BRIP1: variants seen among roughly 807,000 people sequenced by gnomAD.
The protein encoded by BRIP1 is Fanconi anemia group J protein.
Under a neutral mutation model 119.7 loss-of-function variants are expected in BRIP1, and 88 were observed. That is an observed-to-expected ratio of 0.74 (90% confidence interval 0.62 to 0.88). BRIP1 has a LOEUF of 0.88. Ranked by LOEUF, BRIP1 falls within the 40% of genes least tolerant of loss-of-function variation. The pLI, the probability that BRIP1 is intolerant of heterozygous loss-of-function variation, is 0.00. For synonymous variants in BRIP1, 443 were observed against 496.5 expected (o/e 0.89, Z 1.43); for missense variants, 1,259 against 1,455.4 (o/e 0.87, Z 2.20).
chr17:61,773,676 G>C (rs112766108), intron 14 of BRIP1, among the ~76,000 whole-genome samples: 5 of 151,718 alleles, frequency 3.3e-5, no homozygotes, highest in African/African-American at 1.2e-4. Flanking sequence ...AAATTTTTGC[G>C]ATCTACCCAT....
At chr17:61,788,522 C>T (rs1046881536) in intron 10 of BRIP1, among the ~76,000 whole-genome samples, 1 of 151,964 alleles carries the variant, frequency 6.6e-6, no homozygotes, top group African/African-American at 2.4e-5. Context: ...TGATACAATT[C>T]CAAAGGAAAA....
At position 61,859,819 on chromosome 17, in the gene BRIP1, A is replaced by G. The variant is rs1567876917; in HGVS notation, c.182T>C (p.Leu61Ser). ...ACCACTAAGAGATTGTTGCCATGCT[A>G]AAGCAGAACAAAGTAAGGCTAAGCT... The part of the protein sequence containing the change: ...GKSLALLCSA[L>S]AWQQSLSGKP... The change falls in exon 3 of 20, where the codon TTA (leucine) becomes TCA (serine). Residue 61 changes from leucine (L) to serine (S), a missense_variant. Physicochemically the swap from Leu to Ser is moderately radical, Grantham distance 145. Around this residue, in one of 3 missense-constraint regions of BRIP1, gnomAD observed 501 missense variants for 544.0 expected, o/e 0.92. Transcript: ENST00000259008. 7 of 1,613,302 alleles carry G rather than the reference A, an allele frequency of 4.3e-6. No homozygotes were observed. Among genetic ancestry groups the G allele is most frequent in the Non-Finnish European group, 5.9e-6 (7 of 1,179,296 alleles).
chr17:61,790,869 C>G (rs1432465329), intron 10 of BRIP1, among the ~76,000 whole-genome samples: 1 of 151,990 alleles, frequency 6.6e-6, no homozygotes. Flanking sequence ...TCAAGCAATC[C>G]GCCAGCCTCA....
chr17:61,838,894 C>T (rs1021251539), intron 6 of BRIP1, among the ~76,000 whole-genome samples: 2 of 151,914 alleles, frequency 1.3e-5, no homozygotes, highest in East Asian at 3.9e-4. Flanking sequence ...TCAAAAGCTG[C>T]TGTATAATAA....
At position 61,801,643 on chromosome 17, in the gene BRIP1, G is replaced by T. The variant is rs998666821; in HGVS notation, c.919-169C>A. On this transcript the variant is annotated intron_variant, in intron 7 of 19. Coordinates refer to ENST00000259008, the MANE Select transcript of BRIP1 (RefSeq NM_032043.3). ...TTGTCTTTTTTGAGACAATACCATA[G>T]CTACAATCACAACGAAGTCTGGTTG... is the stretch of plus-strand genomic sequence containing the variant. Among the ~76,000 whole-genome samples, 25 of 152,136 alleles carry T rather than the reference G, an allele frequency of 1.6e-4. 2 individuals are homozygous for T. The highest frequency in any genetic ancestry group is 1.0e-3 in the Admixed American group (16 of 15,266).
At chr17:61,721,847 G>A (rs9906120) in intron 16 of BRIP1, among the ~76,000 whole-genome samples, 6,056 of 151,274 alleles carry the variant, frequency 0.04, 447 homozygotes, top group African/African-American at 0.14. Flanking sequence ...ACAGGTGCAC[G>A]CCACCATGCC....
chr17:61,847,719 T>G (rs1451453190), intron 5 of BRIP1, among the ~76,000 whole-genome samples: 1 of 152,238 alleles, frequency 6.6e-6, no homozygotes, highest in Non-Finnish European at 1.5e-5. Context: ...TAAACCAAGT[T>G]GCCTTTGATT....
In BRIP1 at chr17:61,744,847, A is replaced by G. The variant is rs2077038777; in HGVS notation, c.2098-256T>C. On this transcript the variant is annotated intron_variant, in intron 14 of 19. Transcript: ENST00000259008. The surrounding 1 kb of genome is among the most constrained non-coding windows in gnomAD (Gnocchi z 5.0). The stretch of plus-strand genomic sequence containing the variant: ...TACTACTATTATCTTGGCAATTTCT[A>G]CCACTACTACTGCTACTACTACTAT... Among the ~76,000 whole-genome samples, 1 of 150,730 alleles carries G rather than the reference A, an allele frequency of 6.6e-6. No homozygotes were observed. The highest frequency in any genetic ancestry group is 2.4e-5 in the African/African-American group (1 of 41,206).
At position 61,823,549 on chromosome 17, in the gene BRIP1, A is replaced by C. The variant is rs1173310413; in HGVS notation, c.628-14792T>G. On this transcript the variant is annotated intron_variant, in intron 6 of 19. Transcript: ENST00000259008. This position sits in a 1 kb window ranked among gnomAD's most constrained non-coding sequence, Gnocchi z 4.8. The stretch of plus-strand genomic sequence containing the variant: ...TCGGCAATAGAAGGTAGACAAAATG[A>C]AGCACAAAGAAGAAAAAATAGCTTA... 6.6e-6 allele frequency among the ~76,000 whole-genome samples: 1 copy of C among 152,232 alleles called. No homozygotes were observed. The highest frequency in any genetic ancestry group is 6.5e-5 in the Admixed American group (1 of 15,284).
At position 61,727,822 on chromosome 17, in the gene BRIP1, G is replaced by A. The variant is rs534908643; in HGVS notation, c.2380-11759C>T. Among the ~76,000 whole-genome samples the A allele has an allele frequency of 2.0e-5, 3 of 151,142 alleles. No homozygotes were observed. In the South Asian group the frequency reaches 6.3e-4, roughly 32 times the overall value. On this transcript the variant is annotated intron_variant, in intron 16 of 19. Transcript: ENST00000259008. ...TATATATATAATCTTTCAAACATGA[G>A]CAAAGGTTTGATTTTTTTTTTTTTT... is the stretch of plus-strand genomic sequence containing the variant.
rs779627397 is a variant in BRIP1 at position 61,801,421 on chromosome 17, T to C, written c.972A>G (p.Thr324=). The C allele has an allele frequency of 6.2e-7, 1 of 1,613,998 alleles. No individual in the cohort carries two copies. The highest frequency in any genetic ancestry group is 1.3e-5 in the African/African-American group (1 of 75,054). The change falls in exon 8 of 20, where the codon ACA becomes ACG. Residue 324 remains threonine (T), a synonymous_variant. Coordinates refer to ENST00000259008, the MANE Select transcript of BRIP1 (RefSeq NM_032043.3). The part of the protein sequence containing the change: ...HGVHKISDQH[T]LQTFQGMCKA... ...TGCACATCCCTTGGAAAGTCTGTAA[T>C]GTGTGCTGATCACTAATTTTATGAA...
rs1450184869 is a variant in BRIP1 at position 61,768,656 on chromosome 17, CCT to C, written c.2097+7743_2097+7744del. ...TTTTTCTTACCCTGATAAATTAACC[CCT>C]GTGATAAAAAGTTTATGATAGCCCC... is the stretch of plus-strand genomic sequence containing the variant. On this transcript the variant is annotated intron_variant, in intron 14 of 19. Transcript: ENST00000259008. This position sits in a 1 kb window ranked among gnomAD's most constrained non-coding sequence, Gnocchi z 5.0. 6.6e-5 allele frequency among the ~76,000 whole-genome samples: 10 copies of C among 152,024 alleles called. No individual in the cohort carries two copies. Among genetic ancestry groups the C allele is most frequent in the African/African-American group, 1.2e-4 (5 of 41,378 alleles).
rs2145088161 is a variant in BRIP1 at position 61,780,782 on chromosome 17, T to C, written c.1794+58A>G. On this transcript the variant is annotated intron_variant, in intron 12 of 19. Transcript: ENST00000259008. The surrounding 1 kb of genome is among the most constrained non-coding windows in gnomAD (Gnocchi z 5.4). The stretch of plus-strand genomic sequence containing the variant: ...TATCTTTAAAAGAGTCAACCACATT[T>C]ATTAAAATGCTGGTACTGAGCAAGA... 2 of 1,539,306 alleles carry C rather than the reference T, an allele frequency of 1.3e-6. No individual in the cohort carries two copies. The highest frequency in any genetic ancestry group is 1.7e-5 in the Admixed American group (1 of 59,920).
chr17:61,840,866 AATAGACAC>A lies in BRIP1; in HGVS notation c.627+6227_627+6234del, dbSNP rs532860631. On this transcript the variant is annotated intron_variant, in intron 6 of 19. Transcript: ENST00000259008. The stretch of plus-strand genomic sequence containing the variant: ...CAAAACAGAATGGTATTAGTATAAA[AATAGACAC>A]ATAGACCAATGGAACAGAATAGAGA... 2.8e-3 allele frequency among the ~76,000 whole-genome samples: 419 copies of A among 152,332 alleles called. 3 individuals carry two copies. Among genetic ancestry groups the A allele is most frequent in the Admixed American group, 4.9e-3 (75 of 15,298 alleles).
chr17:61,850,822 A>T (rs571001130), intron 4 of BRIP1, among the ~76,000 whole-genome samples: 4 of 151,490 alleles, frequency 2.6e-5, no homozygotes, highest in African/African-American at 9.7e-5. Flanking sequence ...ACAAGACTCT[A>T]TGTCTCCAAA....
rs534501720 is a variant in BRIP1 at position 61,759,344 on chromosome 17, C to CA, written c.2098-14754dup. 7.2e-5 allele frequency among the ~76,000 whole-genome samples: 11 copies of CA among 151,734 alleles called. No individual in the cohort carries two copies. Among genetic ancestry groups the CA allele is most frequent in the African/African-American group, 2.7e-4 (11 of 41,388 alleles). ...AGAAACAACGAAGAACATTATTTAACAAAAAAAGGTCAATTCATCAAGAGG... is the reference window on the plus strand; with the variant it reads ...AGAAACAACGAAGAACATTATTTAACAAAAAAAAGGTCAATTCATCAAGAGG... On this transcript the variant is annotated intron_variant, in intron 14 of 19. Transcript: ENST00000259008. This position sits in a 1 kb window ranked among gnomAD's most constrained non-coding sequence, Gnocchi z 4.9.
rs1351525254 is a variant in BRIP1 at position 61,746,138 on chromosome 17, TTAA to T, written c.2098-1550_2098-1548del. On this transcript the variant is annotated intron_variant, in intron 14 of 19. Transcript: ENST00000259008. This position sits in a 1 kb window ranked among gnomAD's most constrained non-coding sequence, Gnocchi z 4.9. The stretch of plus-strand genomic sequence containing the variant: ...TTAACTATTTTTAGAAATAAACTTC[TTAA>T]TAAGACTATAAAACAAAACATTAGT... 1.3e-5 allele frequency among the ~76,000 whole-genome samples: 2 copies of T among 152,178 alleles called. No individual in the cohort carries two copies. Among genetic ancestry groups the T allele is most frequent in the Non-Finnish European group, 2.9e-5 (2 of 68,006 alleles).
chr17:61,802,816 C>T lies in BRIP1; in HGVS notation c.919-1342G>A, dbSNP rs574076827. On this transcript the variant is annotated intron_variant, in intron 7 of 19. Transcript: ENST00000259008. This position sits in a 1 kb window ranked among gnomAD's most constrained non-coding sequence, Gnocchi z 6.0. ...AGAAATGGCATTATGGGATCAGACG[C>T]TACAAGGTATTTTTAAGTTTCTTGA... Among the ~76,000 whole-genome samples the T allele has an allele frequency of 6.6e-5, 10 of 152,286 alleles. 1 individual carries two copies. In the South Asian group the frequency reaches 1.9e-3, roughly 28 times the overall value.
chr17:61,709,141 A>G lies in BRIP1; in HGVS notation c.2492+6810T>C, dbSNP rs1031790083. On this transcript the variant is annotated intron_variant, in intron 17 of 19. Transcript: ENST00000259008. The surrounding 1 kb of genome is among the most constrained non-coding windows in gnomAD (Gnocchi z 5.0). ...TCATTGACATTTTAGATTGCTCCAA[A>G]TCCTAGGCTTTTTCATGCATAAATC... 6.6e-6 allele frequency among the ~76,000 whole-genome samples: 1 copy of G among 152,120 alleles called. No homozygotes were observed. Among genetic ancestry groups the G allele is most frequent in the Non-Finnish European group, 1.5e-5 (1 of 68,026 alleles).
Sources: gnomAD v4.1 joint callset for allele counts (sites outside exome capture counted in the v4.1 genomes callset) on GRCh38, gnomAD v4.1.1 for gene constraint, gnomAD v4.1.1 regional missense constraint, Gnocchi (gnomAD v3.1) non-coding constraint, MANE v1.5 for transcripts, NCBI Gene and HGNC (gene_info 2026-07-23, HGNC 2026-07-21) for gene names.